The following PARD3B variants were observed in gnomAD, a reference collection of about 807,000 sequenced individuals.
PARD3B encodes partitioning defective 3 homolog B.
Under a neutral mutation model 130.2 loss-of-function variants are expected in PARD3B, and 103 were observed. That is an observed-to-expected ratio of 0.79 (90% CI 0.67 to 0.93). PARD3B has a LOEUF of 0.93. Among genes scored for constraint, PARD3B ranks in the 40% least tolerant of loss-of-function variants. The pLI is 0.00. For missense variants in PARD3B, 1,609 were observed against 1,499.2 expected (o/e 1.07, Z -1.21); for synonymous variants, 583 against 553.2 (o/e 1.05, Z -0.76).
At chr2:204,883,394 G>GTATATATATATTATATATATATAATA (rs2046126004) in intron 2 of PARD3B, among the ~76,000 whole-genome samples, 1 of 98,756 alleles carries the variant, frequency 1.0e-5, no homozygotes, top group African/African-American at 3.7e-5. Flanking sequence ...TTATGTGTAT[G>GTATATATATATTATATATATATAATA]TATATATATA....
In PARD3B at chr2:205,185,807, A is replaced by G. The variant is rs2036064818; in HGVS notation, c.1968A>G (p.Pro656=). The change falls in exon 14 of 23, where the codon CCA becomes CCG. Residue 656 remains proline, a synonymous_variant. Coordinates refer to ENST00000406610, the MANE Select transcript of PARD3B (RefSeq NM_001302769.2). ...PNDGWAESEV[P]PSPTPHSALG... ...ACGGATGGGCCGAGAGTGAAGTTCC[A>G]CCTTCTCCAACACCACATTCTGCTC... 1 of 1,614,110 alleles carries G rather than the reference A, an allele frequency of 6.2e-7. No individual in the cohort carries two copies.
At chr2:205,196,960 G>T (rs1348667228) in intron 15 of PARD3B, among the ~76,000 whole-genome samples, 1 of 150,374 alleles carries the variant, frequency 6.7e-6, no homozygotes, top group Non-Finnish European at 1.5e-5. Flanking sequence ...TCATTCTCCT[G>T]CATGGACTGT....
chr2:205,373,458 C>G (rs780727782), intron 18 of PARD3B, among the ~76,000 whole-genome samples: 4 of 152,124 alleles, frequency 2.6e-5, no homozygotes, highest in Non-Finnish European at 4.4e-5. Flanking sequence ...ATGCCTCTTC[C>G]ATGCATTAGA....
chr2:205,260,681 C>T (rs1405541630), intron 16 of PARD3B, among the ~76,000 whole-genome samples: 1 of 152,014 alleles, frequency 6.6e-6, no homozygotes, highest in African/African-American at 2.4e-5. Flanking sequence ...AGAAAATAAA[C>T]TTGATTTAAT....
chr2:204,849,560 G>A (rs2044621661), intron 2 of PARD3B, among the ~76,000 whole-genome samples: 1 of 152,138 alleles, frequency 6.6e-6, no homozygotes, highest in South Asian at 2.1e-4. Context: ...AAATTTAAAT[G>A]TTATTACAAT....
At chr2:204,879,086 A>T (rs537072524) in intron 2 of PARD3B, among the ~76,000 whole-genome samples, 1 of 152,218 alleles carries the variant, frequency 6.6e-6, no homozygotes, top group Non-Finnish European at 1.5e-5. Context: ...GAATGGTTCA[A>T]TTATAGCTAT....
At chr2:204,833,581 T>A (rs920104177) in intron 2 of PARD3B, among the ~76,000 whole-genome samples, 4 of 152,016 alleles carry the variant, frequency 2.6e-5, no homozygotes, top group African/African-American at 9.7e-5. Context: ...TGGGTGTGGG[T>A]CTTTCCTGTG....
intron 4 of PARD3B, among the ~76,000 whole-genome samples, chr2:205,089,433 ACT>A (rs767572920): frequency 2.0e-5 from 3 of 151,618 alleles, no homozygotes; most frequent in Non-Finnish European, 4.4e-5. Context: ...GGCCTCCCCG[ACT>A]CTCTTTTTCT....
intron 15 of PARD3B, among the ~76,000 whole-genome samples, chr2:205,220,225 G>A (rs2038166293): frequency 6.6e-6 from 1 of 152,048 alleles, no homozygotes; most frequent in Non-Finnish European, 1.5e-5. Flanking sequence ...TTGCCCTGAG[G>A]ATGAAGACAG....
chr2:204,567,717 G>A lies in PARD3B; in HGVS notation c.120+21598G>A, dbSNP rs899193776. ...TCTACTCTCTGCTTTCACTATTTTC[G>A]GGTGTATACCCAGAAGTAGAATTGC... is the stretch of plus-strand genomic sequence containing the variant. On this transcript the variant is annotated intron_variant, in intron 1 of 22. Coordinates refer to ENST00000406610, the MANE Select transcript of PARD3B (RefSeq NM_001302769.2). Among the ~76,000 whole-genome samples the A allele has an allele frequency of 3.9e-5, 6 of 152,156 alleles. No homozygotes were observed. The East Asian group carries it at 7.7e-4, about 20-fold the overall frequency.
chr2:205,379,547 A>G (rs1418826002), intron 18 of PARD3B, among the ~76,000 whole-genome samples: 3 of 152,116 alleles, frequency 2.0e-5, no homozygotes, highest in South Asian at 2.1e-4. Context: ...GATATGAGCT[A>G]TTATTTTACA....
chr2:205,229,579 C>T lies in PARD3B; in HGVS notation c.2141-16199C>T, dbSNP rs369447148. ...TGACACAAGCACCCTGTGGCCACTA[C>T]GACTACCACTGGTACTGTTTGGGGT... On this transcript the variant is annotated intron_variant, in intron 15 of 22. Coordinates refer to ENST00000406610, the MANE Select transcript of PARD3B (RefSeq NM_001302769.2). The surrounding 1 kb of genome is among the most constrained non-coding windows in gnomAD (Gnocchi z 5.2). Among the ~76,000 whole-genome samples, 29 of 152,210 alleles carry T rather than the reference C, an allele frequency of 1.9e-4. No individual in the cohort carries two copies. Among genetic ancestry groups the T allele is most frequent in the African/African-American group, 7.0e-4 (29 of 41,556 alleles).
intron 2 of PARD3B, among the ~76,000 whole-genome samples, chr2:204,942,071 A>C (rs1688948060): frequency 6.6e-6 from 1 of 152,192 alleles, no homozygotes. Flanking sequence ...GTAGCTAATC[A>C]GTAATTACTA....
At chr2:205,478,983 G>A (rs988669519) in intron 20 of PARD3B, among the ~76,000 whole-genome samples, 7 of 152,086 alleles carry the variant, frequency 4.6e-5, no homozygotes, top group South Asian at 2.1e-4. Context: ...ATTGCCAGCC[G>A]AAAACAGGAG....
At position 204,839,439 on chromosome 2, in the gene PARD3B, T is replaced by A. The variant is rs79116374; in HGVS notation, c.223-125713T>A. 4.0e-3 allele frequency among the ~76,000 whole-genome samples: 614 copies of A among 152,342 alleles called. 8 individuals carry two copies. Among genetic ancestry groups the A allele is most frequent in the African/African-American group, 0.014 (592 of 41,582 alleles). ...AAACCAAACAGACTTTTCCCATTGATTAACTGTATTTTCCATTTTGATTTT... is the reference window on the plus strand; with the variant it reads ...AAACCAAACAGACTTTTCCCATTGAATAACTGTATTTTCCATTTTGATTTT... On this transcript the variant is annotated intron_variant, in intron 2 of 22. Transcript: ENST00000406610.
chr2:204,721,634 CTA>C (rs1207654184), intron 2 of PARD3B, among the ~76,000 whole-genome samples: 1 of 152,054 alleles, frequency 6.6e-6, no homozygotes, highest in Non-Finnish European at 1.5e-5. Context: ...TGGTGTCAAA[CTA>C]TTTTTCATGC....
chr2:205,562,792 A>G lies in PARD3B; in HGVS notation c.3260+9389A>G, dbSNP rs1430515786. 6.6e-6 allele frequency among the ~76,000 whole-genome samples: 1 copy of G among 152,054 alleles called. No individual in the cohort carries two copies. The highest frequency in any genetic ancestry group is 2.4e-5 in the African/African-American group (1 of 41,396). ...TGGAATTATGGTGGTGATTTTCTTG[A>G]TAATGCTGTACCGTTTTGCATGATG... On this transcript the variant is annotated intron_variant, in intron 22 of 22. Coordinates refer to ENST00000406610, the MANE Select transcript of PARD3B (RefSeq NM_001302769.2). This position sits in a 1 kb window ranked among gnomAD's most constrained non-coding sequence, Gnocchi z 5.4.
At chr2:205,573,857 T>C (rs2053647371) in intron 22 of PARD3B, among the ~76,000 whole-genome samples, 1 of 152,180 alleles carries the variant, frequency 6.6e-6, no homozygotes, top group Non-Finnish European at 1.5e-5. Flanking sequence ...ACTAGACAAG[T>C]TAACAGTTCT....
rs544964815 is a variant in PARD3B, at chr2:205,478,039, C to T, written c.3045-21857C>T. On this transcript the variant is annotated intron_variant, in intron 20 of 22. Transcript: ENST00000406610. ...AGGTTTAATTGGGGAAGCCCCACTCCACTTCATCCAACCTTCTACCAGGAC... is the reference window on the plus strand; with the variant it reads ...AGGTTTAATTGGGGAAGCCCCACTCTACTTCATCCAACCTTCTACCAGGAC... 2.0e-5 allele frequency among the ~76,000 whole-genome samples: 3 copies of T among 152,358 alleles called. No homozygotes were observed. In the South Asian group the frequency reaches 6.2e-4, roughly 32 times the overall value.
Sources: allele counts gnomAD v4.1 joint callset (sites outside exome capture counted in the v4.1 genomes callset), GRCh38; gene constraint gnomAD v4.1.1; non-coding constraint Gnocchi (gnomAD v3.1); transcripts MANE v1.5; gene names NCBI Gene and HGNC (gene_info 2026-07-23, HGNC 2026-07-21).